TMEM234: variants seen among roughly 807,000 people sequenced by gnomAD.
The protein encoded by TMEM234 is chromosome 1 open reading frame 91.
A neutral mutation model predicts 17.8 loss-of-function variants in TMEM234; 21 were observed. The ratio of observed to expected loss-of-function variants is 1.18; its 90% CI spans 0.84 to 1.70. The LOEUF (loss-of-function observed/expected upper bound fraction) is 1.70. Ranked by LOEUF, TMEM234 falls within the 40% of genes most tolerant of loss-of-function variation. The pLI is 0.00. For synonymous variants in TMEM234, 83 were observed against 73.5 expected (o/e 1.13, Z -0.66); for missense variants, 137 against 166.9 (o/e 0.82, Z 0.99).
intron 4 of TMEM234, 113 bp downstream of exon 4, chr1:32,217,146 G>A (rs764065685): frequency 1.9e-6 from 3 of 1,595,982 alleles, no homozygotes; most frequent in Non-Finnish European, 2.6e-6. Context: ...AGGGCAGGAT[G>A]GGAAAAGGCC....
At chr1:32,221,760 G>T (rs1310337377) in intron 2 of TMEM234, 107 bp downstream of exon 2, 2 of 1,477,182 alleles carry the variant, frequency 1.4e-6, no homozygotes, top group South Asian at 1.3e-5. Context: ...ACTTTTCCGA[G>T]AATTTCTAGT....
rs779858878 is a variant in TMEM234 at position 32,222,008 on chromosome 1, C to G, written c.27G>C (p.Leu9Phe). MAASLGQV[L>F]ALVLVAALWG... is the part of the protein sequence containing the mutation. ...ACAGAGCGGCCACCAGCACCAGAGC[C>G]AACACCTGCCCTGAATGCAGACGAG... The change falls in exon 2 of 5, where the codon TTG (leucine) becomes TTC (phenylalanine). Residue 9 changes from leucine (L) to phenylalanine (F), a missense_variant. Coordinates refer to ENST00000309777, the MANE Select transcript of TMEM234 (RefSeq NM_019118.5). The G allele has an allele frequency of 6.2e-7, 1 of 1,611,376 alleles. No homozygotes were observed. Among genetic ancestry groups the G allele is most frequent in the Admixed American group, 1.7e-5 (1 of 59,894 alleles).
At chr1:32,218,341 G>A (rs899188653) in intron 3 of TMEM234, among the ~76,000 whole-genome samples, 3 of 152,010 alleles carry the variant, frequency 2.0e-5, no homozygotes, top group Non-Finnish European at 2.9e-5. Context: ...CAGGAGAATC[G>A]CTTGAACCCA....
chr1:32,214,981 G>A (rs1638258626), downstream of TMEM234: 7 of 1,609,684 alleles, frequency 4.3e-6, no homozygotes, highest in East Asian at 1.6e-4. Flanking sequence ...CTTTGACAGT[G>A]ACATAGGTTG....
chr1:32,221,982 C>T lies in TMEM234; in HGVS notation c.53G>A (p.Trp18Ter), dbSNP rs563793815. ...CTTCAGCAGCGGCTGCGTGCCACCC[C>T]ACAGAGCGGCCACCAGCACCAGAGC... ...VLALVLVAALWGGTQPLLKRA... is the reference protein window; with the variant it reads ...VLALVLVAAL The change falls in exon 2 of 5, where the codon TGG becomes TAG. Residue 18 changes from tryptophan (W) to a stop codon, truncating the protein, a stop_gained. Transcript: ENST00000309777. LOFTEE classifies it high-confidence loss of function. 50 of 1,612,554 alleles carry T rather than the reference C, an allele frequency of 3.1e-5. No homozygotes were observed. The Admixed American group carries it at 6.3e-4, about 20-fold the overall frequency.
chr1:32,222,138 C>T (rs1349305446), intron 1 of TMEM234, 120 bp from the exon 2 acceptor site: 4 of 1,503,612 alleles, frequency 2.7e-6, no homozygotes, highest in Non-Finnish European at 3.6e-6. Context: ...CTCTTCGCCT[C>T]GGCTGCGACT....
chr1:32,215,360 G>C, downstream of TMEM234: 1 of 1,206,714 alleles, frequency 8.3e-7, no homozygotes, highest in Non-Finnish European at 1.2e-6. Flanking sequence ...GGAGGGAAAG[G>C]GGCTAGCATG....
intron 3 of TMEM234, among the ~76,000 whole-genome samples, chr1:32,220,319 G>T (rs1441607286): frequency 6.6e-6 from 1 of 152,150 alleles, no homozygotes; most frequent in Admixed American, 6.5e-5. Context: ...TGGGACTACA[G>T]GCACACACCA....
In TMEM234 at chr1:32,222,305, AC is replaced by A; in HGVS notation, c.16+1del. The stretch of plus-strand genomic sequence containing the variant: ...CATGGAAGGGCGGGGCCGGCTACCT[AC>A]CCAGAGACGCCGCCATGGCAACGCC... On this transcript the variant is annotated splice_donor_variant, in intron 1 of 4. Transcript: ENST00000309777. LOFTEE classifies it high-confidence loss of function. 1 of 1,559,376 alleles carries A rather than the reference AC, an allele frequency of 6.4e-7. No individual in the cohort carries two copies. Among genetic ancestry groups the A allele is most frequent in the South Asian group, 1.2e-5 (1 of 83,436 alleles).
intron 3 of TMEM234, among the ~76,000 whole-genome samples, chr1:32,218,103 A>T (rs545185556): frequency 6.6e-6 from 1 of 152,254 alleles, no homozygotes; most frequent in Admixed American, 6.5e-5. Flanking sequence ...CAAGGGGCTG[A>T]CTGCCAATAA....
At chr1:32,215,854 C>T (rs1336638693), downstream of TMEM234, 3 of 1,552,882 alleles carry the variant, frequency 1.9e-6, no homozygotes, top group Middle Eastern at 1.7e-4. Flanking sequence ...CAGCCTGGGG[C>T]TGGGGCTGCT....
downstream of TMEM234, chr1:32,215,055 A>G: frequency 2.1e-6 from 2 of 940,418 alleles, no homozygotes; most frequent in Non-Finnish European, 2.9e-6. Context: ...CGGCACTGGA[A>G]AAAAAAAAAA....
At chr1:32,215,093 G>A, downstream of TMEM234, 1 of 1,055,762 alleles carries the variant, frequency 9.5e-7, no homozygotes, top group Non-Finnish European at 1.3e-6. Context: ...ACCTACTGTG[G>A]CTCAGGAGAC....
intron 3 of TMEM234, 95 bp from the exon 4 acceptor site, chr1:32,217,446 A>T (rs1310652821): frequency 6.4e-7 from 1 of 1,574,322 alleles, no homozygotes; most frequent in Non-Finnish European, 8.6e-7. Flanking sequence ...CCTTTAAAAA[A>T]GGTATCAAAA....
At chr1:32,215,973 C>A, downstream of TMEM234, 1 of 1,259,226 alleles carries the variant, frequency 7.9e-7, no homozygotes, top group Non-Finnish European at 1.1e-6. Flanking sequence ...GCAGCTTGTT[C>A]CTCAGGAGCC....
At chr1:32,220,014 G>A (rs1042988569) in intron 3 of TMEM234, among the ~76,000 whole-genome samples, 6 of 152,242 alleles carry the variant, frequency 3.9e-5, no homozygotes, top group African/African-American at 1.4e-4. Context: ...AAAGGATACA[G>A]GCAGAAAGGG....
In TMEM234 at chr1:32,216,267, C is replaced by A; in HGVS notation, c.*586G>T. The A allele has an allele frequency of 6.9e-7, 1 of 1,456,204 alleles. No homozygotes were observed. The highest frequency in any genetic ancestry group is 9.1e-7 in the Non-Finnish European group (1 of 1,096,664). 90.2% of individuals were successfully genotyped at this position (1,456,204 alleles called of 1,614,324 possible). On this transcript the variant is annotated 3_prime_UTR_variant, in exon 5 of 5. Transcript: ENST00000309777. ...GTGCTGGAGTCAGGTGGGGCTGGGG[C>A]TCACAGCTCTCTACCTGTTTAAGAG...
rs541887212 is a variant in TMEM234 at position 32,221,938 on chromosome 1, G to A, written c.97C>T (p.Gln33Ter). The part of the protein sequence containing the change: ...PLLKRASAGL[Q>*]RVHEPTWAQQ... ...GCCCAGGTCGGCTCATGAACCCGCTGCAGGCCGGCGGAGGCCCGCTTCAGC... is the reference window on the plus strand; with the variant it reads ...GCCCAGGTCGGCTCATGAACCCGCTACAGGCCGGCGGAGGCCCGCTTCAGC... Residue 33 changes from glutamine (Q) to a stop codon, truncating the protein, a stop_gained, in exon 2 of 5, where the codon CAG becomes TAG. Coordinates refer to ENST00000309777, the MANE Select transcript of TMEM234 (RefSeq NM_019118.5). LOFTEE classifies it high-confidence loss of function. 6.2e-7 allele frequency: 1 copy of A among 1,612,020 alleles called. No individual in the cohort carries two copies. The highest frequency in any genetic ancestry group is 8.5e-7 in the Non-Finnish European group (1 of 1,179,962).
At position 32,222,022 on chromosome 1, in the gene TMEM234, A is replaced by C; in HGVS notation, c.17-4T>G. On this transcript the variant is annotated splice_polypyrimidine_tract_variant and splice_region_variant and intron_variant, in intron 1 of 4. Coordinates refer to ENST00000309777, the MANE Select transcript of TMEM234 (RefSeq NM_019118.5). ...AGCACCAGAGCCAACACCTGCCCTG[A>C]ATGCAGACGAGTGAGTCACCCTGAC... 6.2e-7 allele frequency: 1 copy of C among 1,608,160 alleles called. No individual in the cohort carries two copies. Among genetic ancestry groups the C allele is most frequent in the Non-Finnish European group, 8.5e-7 (1 of 1,177,782 alleles).
Sources: gnomAD v4.1 joint callset for allele counts (sites outside exome capture counted in the v4.1 genomes callset) on GRCh38, gnomAD v4.1.1 for gene constraint, MANE v1.5 for transcripts, NCBI Gene and HGNC (gene_info 2026-07-23, HGNC 2026-07-21) for gene names.